Variants in GALNT17 observed in about 807,000 individuals in gnomAD.
GALNT17 encodes polypeptide N-acetylgalactosaminyltransferase 17.
GALNT17 carries 29 observed loss-of-function variants against 63.7 expected under a neutral mutation model. The observed-to-expected ratio is 0.46, with a 90% CI of 0.34 to 0.62. GALNT17 has a LOEUF of 0.62. GALNT17 is among the 20% of genes least tolerant of loss of function. GALNT17 has a pLI of 0.01. For missense variants in GALNT17, 603 were observed against 799.6 expected (o/e 0.75, Z 2.97); for synonymous variants, 305 against 318.3 (o/e 0.96, Z 0.45).
intron 1 of GALNT17, among the ~76,000 whole-genome samples, chr7:71,171,924 C>T (rs1468642493): frequency 6.6e-6 from 1 of 152,132 alleles, no homozygotes; most frequent in East Asian, 1.9e-4. Context: ...GACTTTCCGT[C>T]GTTTGAGATT....
intron 1 of GALNT17, among the ~76,000 whole-genome samples, chr7:71,220,770 C>T (rs1789568614): frequency 6.6e-6 from 1 of 152,072 alleles, no homozygotes; most frequent in African/African-American, 2.4e-5. Flanking sequence ...TTGGAAGATA[C>T]AGCCATCTAC....
chr7:71,280,413 C>T (rs1025535927), intron 1 of GALNT17, among the ~76,000 whole-genome samples: 1 of 152,138 alleles, frequency 6.6e-6, no homozygotes, highest in East Asian at 1.9e-4. Flanking sequence ...CTATGCCATC[C>T]TACCTCTACT....
intron 5 of GALNT17, among the ~76,000 whole-genome samples, chr7:71,475,710 A>G (rs536416966): frequency 3.3e-4 from 50 of 152,242 alleles, no homozygotes; most frequent in African/African-American, 1.2e-3. Context: ...GTCATTTCTT[A>G]CAGTTGCCAC....
intron 5 of GALNT17, among the ~76,000 whole-genome samples, chr7:71,512,100 G>A (rs984216224): frequency 1.3e-5 from 2 of 149,520 alleles, no homozygotes; most frequent in East Asian, 2.0e-4. Flanking sequence ...CCTCCCAGGT[G>A]TAAGCGATTC....
At chr7:71,490,372 A>G (rs1284220596) in intron 5 of GALNT17, among the ~76,000 whole-genome samples, 1 of 152,130 alleles carries the variant, frequency 6.6e-6, no homozygotes, top group Non-Finnish European at 1.5e-5. Context: ...TGCATCTGCC[A>G]TACAGGGTCA....
chr7:71,405,449 A>G (rs1479788334), intron 3 of GALNT17, among the ~76,000 whole-genome samples: 1 of 152,180 alleles, frequency 6.6e-6, no homozygotes, highest in Non-Finnish European at 1.5e-5. Flanking sequence ...CAACATAACA[A>G]GACCCCATGT....
At chr7:71,149,372 A>G (rs930502329) in intron 1 of GALNT17, among the ~76,000 whole-genome samples, 3 of 152,196 alleles carry the variant, frequency 2.0e-5, no homozygotes, top group Admixed American at 6.5e-5. Flanking sequence ...GGCACCTACC[A>G]GCTGCTCCAT....
intron 5 of GALNT17, among the ~76,000 whole-genome samples, chr7:71,462,925 G>T (rs1787475336): frequency 6.6e-6 from 1 of 152,196 alleles, no homozygotes; most frequent in African/African-American, 2.4e-5. Flanking sequence ...TATGTCTGTT[G>T]CTGGATCCCT....
At chr7:71,709,587 T>TTTG (rs1257239957) in intron 9 of GALNT17, among the ~76,000 whole-genome samples, 1 of 147,496 alleles carries the variant, frequency 6.8e-6, no homozygotes, top group East Asian at 1.9e-4. Flanking sequence ...GGTTTTTTTT[T>TTTG]TTGTTTTTTT....
intron 1 of GALNT17, among the ~76,000 whole-genome samples, chr7:71,218,079 A>T (rs1769043816): frequency 6.6e-6 from 1 of 152,152 alleles, no homozygotes; most frequent in African/African-American, 2.4e-5. Flanking sequence ...AAATAAAATA[A>T]ATGTATAAGT....
At chr7:71,696,117 T>G (rs1380845473) in intron 9 of GALNT17, among the ~76,000 whole-genome samples, 1 of 152,200 alleles carries the variant, frequency 6.6e-6, no homozygotes, top group Non-Finnish European at 1.5e-5. Flanking sequence ...TTTTCTTTTT[T>G]GGTGTTTGTT....
At chr7:71,321,814 G>A (rs773975618) in intron 1 of GALNT17, among the ~76,000 whole-genome samples, 5 of 147,822 alleles carry the variant, frequency 3.4e-5, no homozygotes, top group Non-Finnish European at 7.5e-5. Flanking sequence ...TTACAGGCAC[G>A]AGCCACCACA....
intron 5 of GALNT17, among the ~76,000 whole-genome samples, chr7:71,474,584 T>G (rs1787692857): frequency 6.6e-6 from 1 of 152,268 alleles, no homozygotes; most frequent in South Asian, 2.1e-4. Flanking sequence ...TATTAATTCA[T>G]GGGAGAATCA....
At chr7:71,507,789 A>G (rs1022483978) in intron 5 of GALNT17, among the ~76,000 whole-genome samples, 9 of 152,172 alleles carry the variant, frequency 5.9e-5, no homozygotes, top group African/African-American at 2.2e-4. Context: ...AGGTGTTTGC[A>G]TGCAGGATGA....
At position 71,288,909 on chromosome 7, in the gene GALNT17, G is replaced by A. The variant is rs201351948; in HGVS notation, c.239-46641G>A. On this transcript the variant is annotated intron_variant, in intron 1 of 10. Transcript: ENST00000333538. ...TAGGTGATGTATTTAAAAGATCGCTGAAACATGATTTGGCTCATGTGCTTA... is the reference window on the plus strand; with the variant it reads ...TAGGTGATGTATTTAAAAGATCGCTAAAACATGATTTGGCTCATGTGCTTA... 3.9e-5 allele frequency among the ~76,000 whole-genome samples: 6 copies of A among 152,186 alleles called. No individual in the cohort carries two copies. In the East Asian group the frequency reaches 1.2e-3, roughly 29 times the overall value.
intron 6 of GALNT17, among the ~76,000 whole-genome samples, chr7:71,602,085 G>A (rs934496271): frequency 3.3e-5 from 5 of 152,170 alleles, no homozygotes; most frequent in Non-Finnish European, 7.3e-5. Flanking sequence ...ATATGCTCCC[G>A]ACTTCCCCCG....
At chr7:71,324,156 T>G (rs914099184) in intron 1 of GALNT17, among the ~76,000 whole-genome samples, 1 of 152,130 alleles carries the variant, frequency 6.6e-6, no homozygotes, top group Non-Finnish European at 1.5e-5. Flanking sequence ...GTGAAAACTT[T>G]GGGATTATTT....
At chr7:71,157,316 T>C (rs1220461372) in intron 1 of GALNT17, among the ~76,000 whole-genome samples, 1 of 151,772 alleles carries the variant, frequency 6.6e-6, no homozygotes, top group Non-Finnish European at 1.5e-5. Flanking sequence ...AGATGTCTGA[T>C]AAATTCCTGG....
At chr7:71,646,961 T>G (rs1316466574) in intron 6 of GALNT17, among the ~76,000 whole-genome samples, 1 of 152,000 alleles carries the variant, frequency 6.6e-6, no homozygotes, top group East Asian at 1.9e-4. Context: ...TTAGCCAGGA[T>G]GGTCTTGATC....
Sources: allele counts gnomAD v4.1 joint callset (sites outside exome capture counted in the v4.1 genomes callset), GRCh38; gene constraint gnomAD v4.1.1; transcripts MANE v1.5; gene names NCBI Gene and HGNC (gene_info 2026-07-23, HGNC 2026-07-21).